FMNL1: variants seen among roughly 807,000 people sequenced by gnomAD.
FMNL1 encodes the protein formin-like protein 1.
Under a neutral mutation model 121.3 loss-of-function variants are expected in FMNL1, and 43 were observed. The ratio of observed to expected loss-of-function variants is 0.35; its 90% CI spans 0.28 to 0.46. The LOEUF is 0.46. FMNL1 is among the 20% of genes least tolerant of loss of function. The pLI is 1.00. For missense variants in FMNL1, 1,191 were observed against 1,482.4 expected (o/e 0.80, Z 3.23); for synonymous variants, 613 against 613.5 (o/e 1.00, Z 0.01).
chr17:45,243,183 C>T lies in FMNL1; in HGVS notation c.2076C>T (p.Leu692=). The change falls in exon 17 of 27, where the codon CTC becomes CTT. Residue 692 remains leucine, a synonymous_variant. Coordinates refer to ENST00000331495, the MANE Select transcript of FMNL1 (RefSeq NM_005892.4). The stretch of plus-strand genomic sequence containing the variant: ...AGTCCCAAGGCCCCAGCCTGGACCT[C>T]AGCGCTCTCAAGAGTAAGGCAGCCC... ...KTKSQGPSLD[L]SALKSKAAQK... 6.2e-7 allele frequency: 1 copy of T among 1,614,250 alleles called. No individual in the cohort carries two copies. The highest frequency in any genetic ancestry group is 8.5e-7 in the Non-Finnish European group (1 of 1,180,046).
Position 45,235,996 on chromosome 17 carries a change from C to T in FMNL1, c.615-140C>T, listed in dbSNP as rs548852380. 1.3e-5 allele frequency: 9 copies of T among 672,582 alleles called. No individual in the cohort carries two copies. In the African/African-American group the frequency reaches 1.4e-4, roughly 11 times the overall value. The allele number at this position is 672,582 out of a possible 1,614,324, so 41.7% of individuals were successfully genotyped here. ...CTGAGGAAGCCTGCCTGCCCTCAGC[C>T]AGCCTCTTTGGTTGGGTAGATGGGA... On this transcript the variant is annotated intron_variant, in intron 6 of 26. Coordinates refer to ENST00000331495, the MANE Select transcript of FMNL1 (RefSeq NM_005892.4).
At chr17:45,226,693 T>C (rs2043336335) in intron 1 of FMNL1, among the ~76,000 whole-genome samples, 1 of 152,096 alleles carries the variant, frequency 6.6e-6, no homozygotes, top group African/African-American at 2.4e-5. Context: ...GTGTTTGGGA[T>C]TGAGAGATTA....
At position 45,241,209 on chromosome 17, in the gene FMNL1, C is replaced by G. The variant is rs764441179; in HGVS notation, c.1311C>G (p.Arg437=). ...TGGAAAAACAGCTAAGCCAGGCGCG[C>G]AAGGAGTTGGAGACCCTGCGGGTGA... ...AELEKQLSQA[R]KELETLRERF... is the part of the protein sequence containing the mutation. The change falls in exon 13 of 27, where the codon CGC becomes CGG. Residue 437 remains arginine (R), a synonymous_variant. Coordinates refer to ENST00000331495, the MANE Select transcript of FMNL1 (RefSeq NM_005892.4). This position sits in a 1 kb window ranked among gnomAD's most constrained non-coding sequence, Gnocchi z 7.0. 1.9e-6 allele frequency: 3 copies of G among 1,614,138 alleles called. No homozygotes were observed. In the South Asian group the frequency reaches 3.3e-5, roughly 18 times the overall value.
At chr17:45,230,064 T>G (rs768347602) in intron 1 of FMNL1, among the ~76,000 whole-genome samples, 4 of 152,286 alleles carry the variant, frequency 2.6e-5, no homozygotes, top group Non-Finnish European at 4.4e-5. Context: ...CTGTCCACTC[T>G]CCTTGCAAGA....
chr17:45,242,868 C>A (rs1187849849), intron 16 of FMNL1, among the ~76,000 whole-genome samples: 1 of 152,262 alleles, frequency 6.6e-6, no homozygotes, highest in Non-Finnish European at 1.5e-5. Flanking sequence ...CTTTTTACCG[C>A]TGGCCAGTTC....
chr17:45,234,937 C>G (rs2043520815), intron 6 of FMNL1: 2 of 152,786 alleles, frequency 1.3e-5, no homozygotes, highest in Admixed American at 6.6e-5. Context: ...AACTGATGTC[C>G]CTGGGTTCAG....
Position 45,233,006 on chromosome 17 carries a change from T to G in FMNL1, c.328-218T>G, listed in dbSNP as rs2043471756. On this transcript the variant is annotated intron_variant, in intron 3 of 26. Transcript: ENST00000331495. The surrounding 1 kb of genome is among the most constrained non-coding windows in gnomAD (Gnocchi z 4.1). The stretch of plus-strand genomic sequence containing the variant: ...ACCTTGTGTGCCCATGTATCGGGGG[T>G]GTGTGTACCCTGCTTGTCTATGTAT... 3.0e-6 allele frequency: 2 copies of G among 659,496 alleles called. No homozygotes were observed. The highest frequency in any genetic ancestry group is 1.8e-5 in the African/African-American group (1 of 56,220). The allele number at this position is 659,496 out of a possible 1,614,324, so 40.9% of individuals were successfully genotyped here.
At chr17:45,240,341 T>TAAAAAA in intron 11 of FMNL1, 135 bp from the exon 12 acceptor site, 1 of 898,502 alleles carries the variant, frequency 1.1e-6, no homozygotes, top group Non-Finnish European at 1.6e-6. Flanking sequence ...AATTATATAT[T>TAAAAAA]AAAAAATAAA....
chr17:45,247,155 T>C lies in FMNL1; in HGVS notation c.*297T>C. On this transcript the variant is annotated 3_prime_UTR_variant, in exon 27 of 27. Coordinates refer to ENST00000331495, the MANE Select transcript of FMNL1 (RefSeq NM_005892.4). ...ATCGCCCGCCCCTTCCCCCAAATGCTGCTTGCAGCACCCACCCTAAAGCCC... is the reference window on the plus strand; with the variant it reads ...ATCGCCCGCCCCTTCCCCCAAATGCCGCTTGCAGCACCCACCCTAAAGCCC... The C allele has an allele frequency of 1.7e-6, 1 of 582,966 alleles. No individual in the cohort carries two copies. The highest frequency in any genetic ancestry group is 3.1e-6 in the Non-Finnish European group (1 of 325,238). The allele number at this position is 582,966 out of a possible 1,614,324, so 36.1% of individuals were successfully genotyped here.
chr17:45,225,665 G>T (rs1261534965), intron 1 of FMNL1, among the ~76,000 whole-genome samples: 1 of 152,176 alleles, frequency 6.6e-6, no homozygotes, highest in South Asian at 2.1e-4. Flanking sequence ...TGGGAACATG[G>T]AGCCCTGGAA....
In FMNL1 at chr17:45,238,551, T is replaced by C; in HGVS notation, c.895-13T>C. The stretch of plus-strand genomic sequence containing the variant: ...GTCACTGGGCCTCAGTGAGAGCCAT[T>C]CCCCTTACCCAGGTGTGTGGGGAGC... On this transcript the variant is annotated splice_polypyrimidine_tract_variant and intron_variant, in intron 9 of 26. Coordinates refer to ENST00000331495, the MANE Select transcript of FMNL1 (RefSeq NM_005892.4). 1 of 1,613,938 alleles carries C rather than the reference T, an allele frequency of 6.2e-7. No individual in the cohort carries two copies. The highest frequency in any genetic ancestry group is 8.5e-7 in the Non-Finnish European group (1 of 1,179,874).
rs773211654 is a variant in FMNL1, at chr17:45,243,856, A to G, written c.2279A>G (p.Tyr760Cys). 2.5e-6 allele frequency: 4 copies of G among 1,613,908 alleles called. No homozygotes were observed. In the Admixed American group the frequency reaches 6.7e-5, roughly 27 times the overall value. Residue 760 changes from tyrosine to cysteine, a missense_variant, in exon 18 of 27, where the codon TAT becomes TGT. By Grantham distance (194) the Tyr-to-Cys change is radical. Transcript: ENST00000331495. ...ELLMRFLPTE[Y>C]ERSLITRFER... ...CTGATGCGCTTCCTGCCCACAGAGT[A>G]TGAGCGCAGCCTCATCACCCGCTTT...
At position 45,241,364 on chromosome 17, in the gene FMNL1, C is replaced by CT; in HGVS notation, c.1333-17dup. On this transcript the variant is annotated splice_polypyrimidine_tract_variant and intron_variant, in intron 13 of 26. Coordinates refer to ENST00000331495, the MANE Select transcript of FMNL1 (RefSeq NM_005892.4). The surrounding 1 kb of genome is among the most constrained non-coding windows in gnomAD (Gnocchi z 7.0). ...GGAGCCTGCTGGTGGGCACTGACCC[C>CT]TCCCGTGGGGTTCGTAGGAGCGCTT... 1 of 1,578,124 alleles carries CT rather than the reference C, an allele frequency of 6.3e-7. No individual in the cohort carries two copies. The highest frequency in any genetic ancestry group is 8.6e-7 in the Non-Finnish European group (1 of 1,162,452).
chr17:45,222,292 G>A (rs1415408627), intron 1 of FMNL1, 39 bp downstream of exon 1: 17 of 1,159,414 alleles, frequency 1.5e-5, no homozygotes, highest in Non-Finnish European at 1.8e-5. Context: ...GCGGGCGGGG[G>A]GCGGCAGGGG....
intron 1 of FMNL1, 31 bp from the exon 2 acceptor site, chr17:45,230,573 G>A: frequency 6.2e-7 from 1 of 1,612,222 alleles, no homozygotes; most frequent in South Asian, 1.1e-5. Flanking sequence ...GGGGCCCCAG[G>A]CTCAGGGGTC....
intron 26 of FMNL1, 26 bp downstream of exon 26, chr17:45,246,630 ACCACGCTGC>A (rs1312764919): frequency 6.4e-7 from 1 of 1,564,616 alleles, no homozygotes; most frequent in East Asian, 2.3e-5. Flanking sequence ...GGCCTCTGAT[ACCACGCTGC>A]CCACAGCCCC....
chr17:45,223,279 C>T (rs1018352626), intron 1 of FMNL1, among the ~76,000 whole-genome samples: 10 of 152,208 alleles, frequency 6.6e-5, no homozygotes, highest in Non-Finnish European at 1.3e-4. Flanking sequence ...GGGGGCTCAA[C>T]GGAGACACAG....
intron 16 of FMNL1, 115 bp from the exon 17 acceptor site, chr17:45,243,003 G>A: frequency 8.7e-7 from 1 of 1,150,920 alleles, no homozygotes; most frequent in East Asian, 2.4e-5. Context: ...TGGGTTACTG[G>A]TTCTCTGCTG....
Position 45,242,062 on chromosome 17 carries a change from G to T in FMNL1, c.1801G>T (p.Val601Leu). The T allele has an allele frequency of 6.7e-7, 1 of 1,495,104 alleles. No individual in the cohort carries two copies. The highest frequency in any genetic ancestry group is 8.9e-7 in the Non-Finnish European group (1 of 1,128,908). The allele number at this position is 1,495,104 out of a possible 1,614,324, so 92.6% of individuals were successfully genotyped here. Residue 601 changes from valine to leucine, a missense_variant, in exon 15 of 27, where the codon GTG becomes TTG. Physicochemically the swap from Val to Leu is conservative, Grantham distance 32. This residue lies in a region of FMNL1 where 519 missense variants were observed against 492.8 expected (regional missense o/e 1.05). Coordinates refer to ENST00000331495, the MANE Select transcript of FMNL1 (RefSeq NM_005892.4). The stretch of plus-strand genomic sequence containing the variant: ...ACCACCTCCGGGCACTGACGGGCCG[G>T]TGCCTCCGCCGCCGCCGCCGCCGCC... ...PPPPPGTDGP[V>L]PPPPPPPPPP...
Sources: gnomAD v4.1 joint callset for allele counts (sites outside exome capture counted in the v4.1 genomes callset) on GRCh38, gnomAD v4.1.1 for gene constraint, gnomAD v4.1.1 regional missense constraint, Gnocchi (gnomAD v3.1) non-coding constraint, MANE v1.5 for transcripts, NCBI Gene and HGNC (gene_info 2026-07-23, HGNC 2026-07-21) for gene names.